Variants in EPHA6 observed in about 807,000 individuals in gnomAD.
EPHA6 encodes the protein ephrin type-A receptor 6.
EPHA6 carries 50 observed loss-of-function variants against 112.0 expected under a neutral mutation model. The observed-to-expected ratio is 0.45, with a 90% confidence interval of 0.36 to 0.56. The LOEUF is 0.56. Ranked by LOEUF, EPHA6 falls within the 20% of genes least tolerant of loss-of-function variation. The pLI is 0.00. For synonymous variants in EPHA6, 529 were observed against 490.7 expected (o/e 1.08, Z -1.03); for missense variants, 1,280 against 1,417.4 (o/e 0.90, Z 1.56).
intron 5 of EPHA6, among the ~76,000 whole-genome samples, chr3:97,272,670 G>T (rs937985878): frequency 6.6e-6 from 1 of 151,986 alleles, no homozygotes; most frequent in Non-Finnish European, 1.5e-5. Context: ...GGGGTCACAG[G>T]GTGCTCAGTG....
At chr3:97,057,360 AC>A (rs1576406589) in intron 3 of EPHA6, among the ~76,000 whole-genome samples, 1 of 152,210 alleles carries the variant, frequency 6.6e-6, no homozygotes, top group East Asian at 1.9e-4. Context: ...TGCATACAGC[AC>A]ACAGGTTGCC....
intron 15 of EPHA6, among the ~76,000 whole-genome samples, chr3:97,722,646 T>A (rs2107801758): frequency 1.3e-5 from 2 of 152,174 alleles, no homozygotes; most frequent in Admixed American, 1.3e-4. Flanking sequence ...ACAAAATCGA[T>A]AAGAGACATA....
chr3:97,095,089 A>G (rs1349966811), intron 3 of EPHA6, among the ~76,000 whole-genome samples: 2 of 152,116 alleles, frequency 1.3e-5, no homozygotes, highest in African/African-American at 4.8e-5. Flanking sequence ...AAAGTAGTAA[A>G]TACGGAAAAC....
intron 14 of EPHA6, among the ~76,000 whole-genome samples, chr3:97,689,493 C>A (rs375165393): frequency 2.0e-5 from 3 of 152,186 alleles, no homozygotes; most frequent in South Asian, 4.1e-4. Context: ...AGGCAGGCCT[C>A]TCTATGGCCC....
At position 97,751,324 on chromosome 3, in the gene EPHA6, C is replaced by T. The variant is rs2035895629; in HGVS notation, c.*2623C>T. 6.6e-6 allele frequency among the ~76,000 whole-genome samples: 1 copy of T among 152,054 alleles called. No homozygotes were observed. The highest frequency in any genetic ancestry group is 2.4e-5 in the African/African-American group (1 of 41,434). On this transcript the variant is annotated 3_prime_UTR_variant, in exon 18 of 18. Coordinates refer to ENST00000389672, the MANE Select transcript of EPHA6 (RefSeq NM_001080448.3). The stretch of plus-strand genomic sequence containing the variant: ...TAATTTGTACTTATTTTTTCTTTCT[C>T]TAACATCTTTTGATAGTATCATAAA...
At chr3:97,287,333 A>G (rs2080504343) in intron 5 of EPHA6, among the ~76,000 whole-genome samples, 1 of 152,084 alleles carries the variant, frequency 6.6e-6, no homozygotes, top group Admixed American at 6.5e-5. Flanking sequence ...AGTTAGCTGC[A>G]GGTTTGTCAC....
At chr3:97,681,446 G>A (rs943522423) in intron 14 of EPHA6, among the ~76,000 whole-genome samples, 15 of 151,876 alleles carry the variant, frequency 9.9e-5, no homozygotes, top group African/African-American at 3.1e-4. Flanking sequence ...GAGAAAAATC[G>A]AAAGGAAATT....
intron 4 of EPHA6, among the ~76,000 whole-genome samples, chr3:97,235,637 T>C (rs1242608882): frequency 6.6e-6 from 1 of 152,138 alleles, no homozygotes; most frequent in Non-Finnish European, 1.5e-5. Context: ...GTATTATTTC[T>C]AAATGAACAA....
chr3:97,261,167 G>A (rs1344064102), intron 5 of EPHA6, among the ~76,000 whole-genome samples: 1 of 152,158 alleles, frequency 6.6e-6, no homozygotes, highest in Non-Finnish European at 1.5e-5. Flanking sequence ...TAAAAACAAA[G>A]CAGGGCTGGG....
At chr3:96,921,137 G>A (rs905395789) in intron 2 of EPHA6, among the ~76,000 whole-genome samples, 6 of 151,924 alleles carry the variant, frequency 3.9e-5, no homozygotes, top group East Asian at 1.9e-4. Context: ...GAAAATACAC[G>A]TAGCAAAAAC....
At chr3:96,842,855 T>C (rs1229321295) in intron 1 of EPHA6, among the ~76,000 whole-genome samples, 1 of 152,016 alleles carries the variant, frequency 6.6e-6, no homozygotes, top group Non-Finnish European at 1.5e-5. Flanking sequence ...GGATAGAAGG[T>C]ATTTTGGTTT....
At chr3:97,078,863 G>A (rs910191932) in intron 3 of EPHA6, among the ~76,000 whole-genome samples, 2 of 152,094 alleles carry the variant, frequency 1.3e-5, no homozygotes, top group Admixed American at 1.3e-4. Context: ...TGGTGAGGAT[G>A]CTGTGATCAT....
intron 5 of EPHA6, among the ~76,000 whole-genome samples, chr3:97,283,978 A>G (rs1416021328): frequency 6.6e-6 from 1 of 152,182 alleles, no homozygotes; most frequent in East Asian, 1.9e-4. Context: ...AAATTCCATT[A>G]TCTCATAATT....
chr3:97,557,364 T>A (rs760083101), intron 11 of EPHA6, among the ~76,000 whole-genome samples: 6 of 152,128 alleles, frequency 3.9e-5, no homozygotes, highest in South Asian at 2.1e-4. Flanking sequence ...TGCCTGGCAT[T>A]ATTTTATATG....
At chr3:97,666,011 A>G (rs923384151) in intron 14 of EPHA6, among the ~76,000 whole-genome samples, 1 of 151,136 alleles carries the variant, frequency 6.6e-6, no homozygotes, top group Non-Finnish European at 1.5e-5. Flanking sequence ...GAGCTGAGAT[A>G]TCGCCGTTAC....
intron 2 of EPHA6, among the ~76,000 whole-genome samples, chr3:96,878,630 A>G (rs111347283): frequency 9.2e-5 from 14 of 152,094 alleles, no homozygotes; most frequent in African/African-American, 3.4e-4. Flanking sequence ...AAAAGCTATT[A>G]TGAGCTAATG....
At chr3:97,737,994 G>A (rs1041599929) in intron 16 of EPHA6, among the ~76,000 whole-genome samples, 4 of 152,014 alleles carry the variant, frequency 2.6e-5, no homozygotes, top group African/African-American at 9.7e-5. Context: ...TCACAAAATT[G>A]CAGTAAAATA....
chr3:97,077,004 G>A (rs1329724308), intron 3 of EPHA6, among the ~76,000 whole-genome samples: 1 of 152,080 alleles, frequency 6.6e-6, no homozygotes, highest in Non-Finnish European at 1.5e-5. Flanking sequence ...TACAAGATTA[G>A]TGTTGTATTC....
chr3:97,286,032 G>C (rs1348306979), intron 5 of EPHA6, among the ~76,000 whole-genome samples: 2 of 152,058 alleles, frequency 1.3e-5, no homozygotes, highest in Non-Finnish European at 2.9e-5. Flanking sequence ...TGTATGTCCT[G>C]ATTTGAGAAA....
Sources: allele counts gnomAD v4.1 joint callset (sites outside exome capture counted in the v4.1 genomes callset), GRCh38; gene constraint gnomAD v4.1.1; transcripts MANE v1.5; gene names NCBI Gene and HGNC (gene_info 2026-07-23, HGNC 2026-07-21).